TBC1D32: variants seen among roughly 807,000 people sequenced by gnomAD.
The protein encoded by TBC1D32 is protein broad-minded.
In TBC1D32, 151 loss-of-function variants were observed where a neutral mutation model predicts 170.3. The observed-to-expected ratio is 0.89, with a 90% CI of 0.78 to 1.01. The LOEUF (loss-of-function observed/expected upper bound fraction) is 1.01, where lower values mean the gene tolerates loss of function less well. TBC1D32 is among the 50% of genes least tolerant of loss of function. TBC1D32 has a pLI of 0.00. For synonymous variants in TBC1D32, 498 were observed against 488.0 expected (o/e 1.02, Z -0.27); for missense variants, 1,464 against 1,457.1 (o/e 1.00, Z -0.08).
intron 15 of TBC1D32, among the ~76,000 whole-genome samples, chr6:121,262,812 G>A (rs1799943626): frequency 6.6e-6 from 1 of 152,042 alleles, no homozygotes; most frequent in Non-Finnish European, 1.5e-5. Flanking sequence ...TTTCAACTCA[G>A]AATTTCATAT....
In TBC1D32 at chr6:121,304,604, A is replaced by C; in HGVS notation, c.791T>G (p.Phe264Cys). 1 of 1,610,432 alleles carries C rather than the reference A, an allele frequency of 6.2e-7. No individual in the cohort carries two copies. Among genetic ancestry groups the C allele is most frequent in the Non-Finnish European group, 8.5e-7 (1 of 1,177,852 alleles). Residue 264 changes from phenylalanine to cysteine, a missense_variant, in exon 7 of 32, where the codon TTT (phenylalanine) becomes TGT (cysteine). This residue lies in a region of TBC1D32 where 1,363 missense variants were observed against 1,338.1 expected (regional missense o/e 1.02). Coordinates refer to ENST00000398212, the MANE Select transcript of TBC1D32 (RefSeq NM_152730.6). ...TSLAKYLESY[F>C]LSRENHIPTL... is the part of the protein sequence containing the mutation. ...AGGAATATGATTTTCCCTAGAAAGA[A>C]AGTATGACTCCAAATACTTAGCTGA...
At chr6:121,154,281 C>A (rs1033114831) in intron 24 of TBC1D32, among the ~76,000 whole-genome samples, 1 of 152,084 alleles carries the variant, frequency 6.6e-6, no homozygotes, top group Non-Finnish European at 1.5e-5. Flanking sequence ...TAGGTGAGAA[C>A]AGAGCTACCC....
At chr6:121,092,031 G>T (rs1776857297) in intron 30 of TBC1D32, among the ~76,000 whole-genome samples, 1 of 152,090 alleles carries the variant, frequency 6.6e-6, no homozygotes. Flanking sequence ...CAGGAGAGAG[G>T]TAAGTAACAG....
At chr6:121,259,170 C>T (rs1799441370) in intron 15 of TBC1D32, among the ~76,000 whole-genome samples, 1 of 151,828 alleles carries the variant, frequency 6.6e-6, no homozygotes, top group South Asian at 2.1e-4. Context: ...CGGTGGCGCA[C>T]ACCTATAGTC....
intron 20 of TBC1D32, among the ~76,000 whole-genome samples, chr6:121,226,906 T>A (rs549272777): frequency 2.0e-5 from 3 of 149,130 alleles, no homozygotes; most frequent in African/African-American, 7.8e-5. Flanking sequence ...AAGACCATTG[T>A]AAGGAACACC....
Position 121,195,243 on chromosome 6 carries a change from T to A in TBC1D32, c.2570+9832A>T, listed in dbSNP as rs139071649. On this transcript the variant is annotated intron_variant, in intron 22 of 31. Transcript: ENST00000398212. ...AAGCTGCTCTGCCACTTGGGCCATA[T>A]GATCCAGCAGATCCAATGAGGCTTA... Among the ~76,000 whole-genome samples the A allele has an allele frequency of 6.8e-3, 1,028 of 152,294 alleles. 27 individuals are homozygous for A. Among genetic ancestry groups the A allele is most frequent in the East Asian group, 0.041 (214 of 5,164 alleles).
intron 24 of TBC1D32, among the ~76,000 whole-genome samples, chr6:121,139,011 A>AT (rs538495842): frequency 0.016 from 2,396 of 151,682 alleles, 20 homozygotes; most frequent in Middle Eastern, 0.031. Flanking sequence ...CGCCTGGCTA[A>AT]TTTTTTTTGT....
At chr6:121,107,120 T>G (rs1377720431) in intron 29 of TBC1D32, among the ~76,000 whole-genome samples, 3 of 151,996 alleles carry the variant, frequency 2.0e-5, no homozygotes, top group Non-Finnish European at 4.4e-5. Context: ...CTTCTTGCTT[T>G]TACTGGACAA....
At chr6:121,085,435 G>A (rs1227242891) in intron 31 of TBC1D32, among the ~76,000 whole-genome samples, 1 of 149,606 alleles carries the variant, frequency 6.7e-6, no homozygotes, top group Non-Finnish European at 1.5e-5. Context: ...GGTAAGCAAT[G>A]TTTCTTCCAC....
chr6:121,170,428 G>C (rs1301726054), intron 22 of TBC1D32: 1 of 1,603,428 alleles, frequency 6.2e-7, no homozygotes, highest in Non-Finnish European at 8.5e-7. Context: ...AAATCTCCAA[G>C]ATATTTTCTT....
Position 121,213,529 on chromosome 6 carries a change from A to AAAAT in TBC1D32, c.2482-8370_2482-8367dup, listed in dbSNP as rs1562934145. 1.5e-4 allele frequency among the ~76,000 whole-genome samples: 17 copies of AAAAT among 110,134 alleles called. 1 individual carries two copies. The highest frequency in any genetic ancestry group is 7.2e-4 in the African/African-American group (16 of 22,094). 72.3% of individuals were successfully genotyped at this position (110,134 alleles called of 152,430 possible). On this transcript the variant is annotated intron_variant, in intron 21 of 31. Transcript: ENST00000398212. ...TAAAATAAAATAAAATAAAATAAATAAAATAAAATAAAATAAAATAAAATA... is the reference window on the plus strand; with the variant it reads ...TAAAATAAAATAAAATAAAATAAATAAAATAAATAAAATAAAATAAAATAAAATA...
intron 17 of TBC1D32, among the ~76,000 whole-genome samples, chr6:121,243,092 A>G (rs1010765827): frequency 2.0e-5 from 3 of 152,038 alleles, no homozygotes; most frequent in African/African-American, 7.2e-5. Flanking sequence ...GAGAAGGAAA[A>G]AATAGGTATA....
rs1789653682 is a variant in TBC1D32, at chr6:121,189,475, CATT to C, written c.2570+15597_2570+15599del. ...TATTATTATAGTTAATATTAATGTT[CATT>C]ATATTGACCCTATAAACGTTTATAT... On this transcript the variant is annotated intron_variant, in intron 22 of 31. Coordinates refer to ENST00000398212, the MANE Select transcript of TBC1D32 (RefSeq NM_152730.6). Among the ~76,000 whole-genome samples the C allele has an allele frequency of 6.0e-5, 9 of 150,274 alleles. No individual in the cohort carries two copies. In the South Asian group the frequency reaches 1.9e-3, roughly 32 times the overall value.
intron 17 of TBC1D32, 73 bp downstream of exon 17, chr6:121,255,255 T>A (rs1163562289): frequency 1.1e-6 from 1 of 898,046 alleles, no homozygotes; most frequent in Non-Finnish European, 1.6e-6. Flanking sequence ...CATAGTATTC[T>A]ATTACATTTT....
At chr6:121,112,738 T>C in intron 28 of TBC1D32, 79 bp from the exon 29 acceptor site, 1 of 1,188,724 alleles carries the variant, frequency 8.4e-7, no homozygotes, top group Non-Finnish European at 1.1e-6. Flanking sequence ...ATAAAATGAA[T>C]ATATTAAATA....
At chr6:121,255,506 A>ATTTATAATTGTAT (rs1798868290) in intron 16 of TBC1D32, 96 bp from the exon 17 acceptor site, 2 of 181,600 alleles carry the variant, frequency 1.1e-5, no homozygotes, top group African/African-American at 6.0e-5. Context: ...TTATAATTAT[A>ATTTATAATTGTAT]TTTATAATTA....
At chr6:121,333,879 C>A (rs550828377) in intron 1 of TBC1D32, among the ~76,000 whole-genome samples, 5 of 151,982 alleles carry the variant, frequency 3.3e-5, no homozygotes, top group South Asian at 2.1e-4. Context: ...CCAACCTAGC[C>A]CACATGGTGA....
At chr6:121,182,325 G>C (rs1788633946) in intron 22 of TBC1D32, among the ~76,000 whole-genome samples, 1 of 151,936 alleles carries the variant, frequency 6.6e-6, no homozygotes, top group African/African-American at 2.4e-5. Flanking sequence ...AAAAACTGAA[G>C]TGTTATGCTA....
At chr6:121,257,960 G>A (rs1327310126) in intron 15 of TBC1D32, among the ~76,000 whole-genome samples, 3 of 152,022 alleles carry the variant, frequency 2.0e-5, no homozygotes, top group Non-Finnish European at 4.4e-5. Context: ...ACAAAAAGAT[G>A]TTTAGACAAT....
Sources: allele counts gnomAD v4.1 joint callset (sites outside exome capture counted in the v4.1 genomes callset), GRCh38; gene constraint gnomAD v4.1.1; regional missense constraint gnomAD v4.1.1; transcripts MANE v1.5; gene names NCBI Gene and HGNC (gene_info 2026-07-23, HGNC 2026-07-21).